Variants in PEBP4 observed in about 807,000 individuals in gnomAD.
The protein encoded by PEBP4 is phosphatidylethanolamine-binding protein 4.
In PEBP4, 22 loss-of-function variants were observed where a neutral mutation model predicts 23.9. The ratio of observed to expected loss-of-function variants is 0.92; its 90% CI spans 0.66 to 1.31. The LOEUF is 1.31. PEBP4 is among the 40% of genes most tolerant of loss of function. The pLI is 0.00. For synonymous variants in PEBP4, 112 were observed against 99.3 expected, an observed-to-expected ratio of 1.13 and a Z score of -0.76; for missense variants, 324 against 281.7, an observed-to-expected ratio of 1.15 and a Z score of -1.07.
At chr8:22,867,672 T>C (rs1337237779) in intron 3 of PEBP4, among the ~76,000 whole-genome samples, 1 of 152,178 alleles carries the variant, frequency 6.6e-6, no homozygotes, top group Non-Finnish European at 1.5e-5. Flanking sequence ...AGTTGCAGCA[T>C]TCAGTGCACA....
At chr8:22,866,294 C>T (rs1807901564) in intron 3 of PEBP4, among the ~76,000 whole-genome samples, 1 of 152,138 alleles carries the variant, frequency 6.6e-6, no homozygotes, top group African/African-American at 2.4e-5. Flanking sequence ...TCATCTGGTC[C>T]TTTTCGCTAT....
chr8:22,902,463 T>G (rs186889260), intron 3 of PEBP4, among the ~76,000 whole-genome samples: 1,704 of 143,678 alleles, frequency 0.012, 21 homozygotes, highest in Non-Finnish European at 0.02. Context: ...GCAGATAGGG[T>G]GCTCTGAATG....
chr8:22,928,292 G>C (rs138513034), upstream of PEBP4, among the ~76,000 whole-genome samples: 349 of 152,344 alleles, frequency 2.3e-3, 1 homozygote, highest in Admixed American at 9.7e-3. Flanking sequence ...CAGTGACCTT[G>C]TGTAGGAGGG....
intron 4 of PEBP4, among the ~76,000 whole-genome samples, chr8:22,758,969 G>A (rs1805447116): frequency 6.6e-6 from 1 of 152,126 alleles, no homozygotes; most frequent in African/African-American, 2.4e-5. Context: ...ATGGAGAAGT[G>A]GAAGCCAGGG....
chr8:22,800,303 T>G (rs2128758580), intron 4 of PEBP4, among the ~76,000 whole-genome samples: 1 of 152,170 alleles, frequency 6.6e-6, no homozygotes, highest in Middle Eastern at 3.4e-3. Context: ...GAAATAGTAT[T>G]AAGAGTTGGG....
At chr8:22,717,893 C>T (rs1182639730) in intron 6 of PEBP4, among the ~76,000 whole-genome samples, 1 of 152,094 alleles carries the variant, frequency 6.6e-6, no homozygotes, top group African/African-American at 2.4e-5. Context: ...CGTCACGGGA[C>T]CGGCCACATT....
At position 22,852,522 on chromosome 8, in the gene PEBP4, G is replaced by C. The variant is rs563650836; in HGVS notation, c.259-34787C>G. Among the ~76,000 whole-genome samples the C allele has an allele frequency of 5.9e-5, 9 of 152,194 alleles. No individual in the cohort carries two copies. The South Asian group carries it at 1.9e-3, about 32-fold the overall frequency. ...CCACCTTTTCTAGTCGTTGGTAAATGAACAGCAGCGAGAAACACACCACAA... is the reference window on the plus strand; with the variant it reads ...CCACCTTTTCTAGTCGTTGGTAAATCAACAGCAGCGAGAAACACACCACAA... On this transcript the variant is annotated intron_variant, in intron 3 of 6. Transcript: ENST00000256404.
intron 3 of PEBP4, among the ~76,000 whole-genome samples, chr8:22,851,140 GAC>G (rs1393002604): frequency 6.6e-6 from 1 of 152,194 alleles, no homozygotes; most frequent in Non-Finnish European, 1.5e-5. Flanking sequence ...TGCCCTGGGT[GAC>G]AGTCTCCACT....
chr8:22,734,786 G>A lies in PEBP4; in HGVS notation c.358-7566C>T, dbSNP rs553579401. On this transcript the variant is annotated intron_variant, in intron 4 of 6. Transcript: ENST00000256404. ...GATAAGACAAGGGAGGGGAAGGGCA[G>A]CTTAAGCTGAGAAAGCTGTCTAAGC... Among the ~76,000 whole-genome samples, 73 of 152,294 alleles carry A rather than the reference G, an allele frequency of 4.8e-4. 2 individuals are homozygous for A. The South Asian group carries it at 0.015, about 31-fold the overall frequency.
At chr8:22,834,606 T>C (rs902121335) in intron 3 of PEBP4, among the ~76,000 whole-genome samples, 4 of 152,196 alleles carry the variant, frequency 2.6e-5, no homozygotes, top group African/African-American at 9.7e-5. Context: ...ACACTGGATT[T>C]CCCAGGCTCT....
chr8:22,895,750 T>C (rs960725596), intron 3 of PEBP4: 1 of 152,258 alleles, frequency 6.6e-6, no homozygotes, highest in African/African-American at 2.4e-5. Context: ...CTTTAGATCA[T>C]TTCTGTTGCT....
intron 3 of PEBP4, among the ~76,000 whole-genome samples, chr8:22,904,026 T>C (rs371033833): frequency 6.6e-6 from 1 of 152,200 alleles, no homozygotes; most frequent in Non-Finnish European, 1.5e-5. Flanking sequence ...AAAAGAAAAC[T>C]AAAGCTGCTT....
intron 3 of PEBP4, among the ~76,000 whole-genome samples, chr8:22,822,353 A>AAG (rs57472196): frequency 0.028 from 2,365 of 84,632 alleles, 28 homozygotes; most frequent in African/African-American, 0.039. Flanking sequence ...ATATATACTA[A>AAG]AGTGTGTGTG....
At chr8:22,855,575 T>C (rs1421340665) in intron 3 of PEBP4, among the ~76,000 whole-genome samples, 1 of 151,996 alleles carries the variant, frequency 6.6e-6, no homozygotes, top group Admixed American at 6.6e-5. Context: ...GCAGAGAAAA[T>C]TGCTGGAAGT....
At chr8:22,915,396 C>T (rs28436634) in intron 3 of PEBP4, among the ~76,000 whole-genome samples, 2,578 of 151,782 alleles carry the variant, frequency 0.017, 92 homozygotes, top group African/African-American at 0.058. Context: ...CCCCGACCCC[C>T]GACCCAACCA....
intron 4 of PEBP4, among the ~76,000 whole-genome samples, chr8:22,751,590 GTGTGTGTGTGTGTGTGTGTC>G (rs1805261393): frequency 7.8e-6 from 1 of 128,504 alleles, no homozygotes; most frequent in Non-Finnish European, 1.6e-5. Flanking sequence ...GAGTGTGTCT[GTGTGTGTGTGTGTGTGTGTC>G]TGTGTGTGTG....
intron 3 of PEBP4, among the ~76,000 whole-genome samples, chr8:22,890,443 G>A (rs532823349): frequency 2.0e-5 from 3 of 152,342 alleles, no homozygotes; most frequent in Non-Finnish European, 2.9e-5. Flanking sequence ...AAATTTCAGC[G>A]TTGGAAAGAC....
At chr8:22,890,758 G>C (rs144493071) in intron 3 of PEBP4, among the ~76,000 whole-genome samples, 217 of 152,310 alleles carry the variant, frequency 1.4e-3, no homozygotes, top group African/African-American at 5.0e-3. Context: ...TTGGTCTTAG[G>C]CAAGTTACTT....
rs77160049 is a variant in PEBP4 at position 22,916,487 on chromosome 8, C to A, written c.258+3697G>T. ...CTCTCTTTCTCTGCCTGCTTCCCCA[C>A]CCACCCCCCAGCTCACACCCCACCC... On this transcript the variant is annotated intron_variant, in intron 3 of 6. Coordinates refer to ENST00000256404, the MANE Select transcript of PEBP4 (RefSeq NM_144962.3). 9.3e-3 allele frequency among the ~76,000 whole-genome samples: 1,416 copies of A among 152,206 alleles called. 26 individuals are homozygous for A. The highest frequency in any genetic ancestry group is 0.031 in the African/African-American group (1,295 of 41,512).
Sources: gnomAD v4.1 joint callset for allele counts (sites outside exome capture counted in the v4.1 genomes callset) on GRCh38, gnomAD v4.1.1 for gene constraint, MANE v1.5 for transcripts, NCBI Gene and HGNC (gene_info 2026-07-23, HGNC 2026-07-21) for gene names.